DLGAP2: variants seen among roughly 807,000 people sequenced by gnomAD.
DLGAP2 encodes disks large-associated protein 2.
A neutral mutation model predicts 100.3 loss-of-function variants in DLGAP2; 26 were observed. The observed-to-expected ratio is 0.26, with a 90% confidence interval of 0.19 to 0.36. The LOEUF (loss-of-function observed/expected upper bound fraction) is 0.36, where lower values mean the gene tolerates loss of function less well. Ranked by LOEUF, DLGAP2 falls within the 10% of genes least tolerant of loss-of-function variation. The probability of loss-of-function intolerance (pLI) is 1.00; values close to 1 mark genes in which losing one functional copy is unlikely to be tolerated. For missense variants in DLGAP2, 1,858 were observed against 1,453.2 expected (o/e 1.28, Z -4.53); for synonymous variants, 886 against 630.1 (o/e 1.41, Z -6.08).
chr8:1,407,905 T>C (rs561826480), intron 3 of DLGAP2, among the ~76,000 whole-genome samples: 1 of 151,998 alleles, frequency 6.6e-6, no homozygotes, highest in African/African-American at 2.4e-5. Context: ...ATGTATTGAG[T>C]GCTGACTGAG....
At chr8:1,102,022 G>A (rs1219128884) in intron 2 of DLGAP2, among the ~76,000 whole-genome samples, 2 of 151,962 alleles carry the variant, frequency 1.3e-5, no homozygotes, top group African/African-American at 4.8e-5. Context: ...TAAAAAAGCA[G>A]CCAGCATATT....
intron 5 of DLGAP2, among the ~76,000 whole-genome samples, chr8:1,550,422 TG>T (rs2130522778): frequency 6.6e-6 from 1 of 152,212 alleles, no homozygotes; most frequent in African/African-American, 2.4e-5. Flanking sequence ...CTAAACACAG[TG>T]GGCCATTTCT....
At position 1,253,785 on chromosome 8, in the gene DLGAP2, G is replaced by A. The variant is rs181706628; in HGVS notation, c.74-5066G>A. On this transcript the variant is annotated intron_variant, in intron 2 of 14. Transcript: ENST00000637795. ...GCACTAATGATGATGAATCCACAGT[G>A]TATCCAGGTTAAGTCTTGTCTACAT... 1.0e-3 allele frequency among the ~76,000 whole-genome samples: 154 copies of A among 152,318 alleles called. 1 individual carries two copies. Among genetic ancestry groups the A allele is most frequent in the African/African-American group, 3.6e-3 (148 of 41,580 alleles).
chr8:942,465 T>A (rs1267845640), intron 2 of DLGAP2, among the ~76,000 whole-genome samples: 1 of 152,160 alleles, frequency 6.6e-6, no homozygotes, highest in African/African-American at 2.4e-5. Flanking sequence ...ACTCACATCA[T>A]CCAGAACAGC....
chr8:1,622,094 A>C (rs887250882), intron 6 of DLGAP2: 2 of 152,244 alleles, frequency 1.3e-5, no homozygotes, highest in Non-Finnish European at 2.9e-5. Context: ...TCCATTTTGC[A>C]GGTGGAATAA....
intron 2 of DLGAP2, among the ~76,000 whole-genome samples, chr8:1,185,489 A>G (rs1797479952): frequency 6.6e-6 from 1 of 152,096 alleles, no homozygotes; most frequent in African/African-American, 2.4e-5. Context: ...AAAAGGAGGA[A>G]TTTTTGGATG....
chr8:947,489 T>C (rs1799358536), intron 2 of DLGAP2, among the ~76,000 whole-genome samples: 1 of 152,170 alleles, frequency 6.6e-6, no homozygotes, highest in Non-Finnish European at 1.5e-5. Flanking sequence ...CGGTGGCGGC[T>C]GTGTTCCAGT....
At chr8:1,429,097 A>G (rs974092008) in intron 3 of DLGAP2, among the ~76,000 whole-genome samples, 6 of 152,370 alleles carry the variant, frequency 3.9e-5, no homozygotes, top group South Asian at 2.1e-4. Context: ...AGAAAATTTC[A>G]TAAGTTGTTC....
chr8:1,656,835 G>C (rs1051939065), intron 8 of DLGAP2, among the ~76,000 whole-genome samples: 1 of 152,194 alleles, frequency 6.6e-6, no homozygotes, highest in Non-Finnish European at 1.5e-5. Context: ...AAGAGGCAAA[G>C]CATGTTACAC....
intron 2 of DLGAP2, among the ~76,000 whole-genome samples, chr8:930,681 A>G (rs932730632): frequency 1.0e-4 from 13 of 127,264 alleles, no homozygotes; most frequent in Non-Finnish European, 2.3e-4. Flanking sequence ...GAGCAGGTGC[A>G]GGTGTGCGGG....
chr8:1,523,795 G>A (rs763268195), intron 4 of DLGAP2, among the ~76,000 whole-genome samples: 13 of 152,220 alleles, frequency 8.5e-5, no homozygotes, highest in African/African-American at 1.2e-4. Context: ...CATCCATGGT[G>A]GCCTCCCAGC....
intron 10 of DLGAP2, among the ~76,000 whole-genome samples, chr8:1,672,205 T>TTTG: frequency 6.6e-6 from 1 of 150,730 alleles, no homozygotes; most frequent in East Asian, 2.0e-4. Flanking sequence ...GATCAGTTTT[T>TTTG]TTGTTGTTGT....
intron 1 of DLGAP2, among the ~76,000 whole-genome samples, chr8:865,229 G>A (rs1228871150): frequency 6.6e-6 from 1 of 152,178 alleles, no homozygotes; most frequent in Non-Finnish European, 1.5e-5. Context: ...ATTGATGTAT[G>A]GAAATTTCCT....
intron 2 of DLGAP2, among the ~76,000 whole-genome samples, chr8:918,683 C>T (rs1188526818): frequency 6.6e-6 from 1 of 152,182 alleles, no homozygotes; most frequent in Non-Finnish European, 1.5e-5. Context: ...TGTGTTAACC[C>T]ACCCTGTTAT....
At chr8:779,862 T>G (rs1379277142) in intron 1 of DLGAP2, among the ~76,000 whole-genome samples, 2 of 151,992 alleles carry the variant, frequency 1.3e-5, no homozygotes, top group Admixed American at 6.6e-5. Flanking sequence ...AATTATAAAT[T>G]TATATTTTAT....
chr8:1,335,591 G>A (rs1801255615), intron 3 of DLGAP2, among the ~76,000 whole-genome samples: 1 of 152,180 alleles, frequency 6.6e-6, no homozygotes, highest in Non-Finnish European at 1.5e-5. Context: ...GTGCGGTGCT[G>A]GGTGGAAGTT....
At position 1,030,209 on chromosome 8, in the gene DLGAP2, C is replaced by T. The variant is rs150440578; in HGVS notation, c.73+122243C>T. Among the ~76,000 whole-genome samples the T allele has an allele frequency of 1.6e-4, 24 of 152,308 alleles. No homozygotes were observed. In the East Asian group the frequency reaches 3.7e-3, roughly 23 times the overall value. On this transcript the variant is annotated intron_variant, in intron 2 of 14. Transcript: ENST00000637795. ...TGCTAACAGACCCGAAAGCAATGAG[C>T]GTACCTGAGATCCAGATGTTCAGCC...
chr8:905,768 G>C (rs910695275), intron 1 of DLGAP2, among the ~76,000 whole-genome samples: 1 of 152,182 alleles, frequency 6.6e-6, no homozygotes, highest in Non-Finnish European at 1.5e-5. Flanking sequence ...GGCTGGTCCT[G>C]CTGTGGCAGA....
chr8:792,226 A>G (rs1479158714), intron 1 of DLGAP2, among the ~76,000 whole-genome samples: 1 of 152,196 alleles, frequency 6.6e-6, no homozygotes, highest in East Asian at 1.9e-4. Flanking sequence ...TCACCTTTCC[A>G]TATTCTTTGC....
Sources: gnomAD v4.1 joint callset for allele counts (sites outside exome capture counted in the v4.1 genomes callset) on GRCh38, gnomAD v4.1.1 for gene constraint, MANE v1.5 for transcripts, NCBI Gene and HGNC (gene_info 2026-07-23, HGNC 2026-07-21) for gene names.